C1orf185: variants seen among roughly 807,000 people sequenced by gnomAD.
The protein encoded by C1orf185 is chromosome 1 open reading frame 185.
A neutral mutation model predicts 16.1 loss-of-function variants in C1orf185; 13 were observed. The ratio of observed to expected loss-of-function variants is 0.81; its 90% confidence interval spans 0.53 to 1.28. C1orf185 has a LOEUF of 1.28. Among genes scored for constraint, C1orf185 ranks in the 50% most tolerant of loss-of-function variants. The pLI, the probability that C1orf185 is intolerant of heterozygous loss-of-function variation, is 0.00. For missense variants in C1orf185, 220 were observed against 225.2 expected (o/e 0.98, Z 0.15); for synonymous variants, 80 against 76.9 (o/e 1.04, Z -0.21).
chr1:51,137,463 G>C (rs1300106699), intron 3 of C1orf185, among the ~76,000 whole-genome samples: 1 of 152,162 alleles, frequency 6.6e-6, no homozygotes, highest in East Asian at 1.9e-4. Context: ...GAACCCAAGA[G>C]GCAGTGGTTG....
intron 3 of C1orf185, among the ~76,000 whole-genome samples, chr1:51,141,766 CAT>C (rs1372215958): frequency 6.6e-6 from 1 of 152,144 alleles, no homozygotes; most frequent in African/African-American, 2.4e-5. Flanking sequence ...GATACTCTCT[CAT>C]ATTATTATAG....
At position 51,118,753 on chromosome 1, in the gene C1orf185, G is replaced by A; in HGVS notation, c.210G>A (p.Gln70=). 1 of 1,494,384 alleles carries A rather than the reference G, an allele frequency of 6.7e-7. No homozygotes were observed. The highest frequency in any genetic ancestry group is 9.0e-7 in the Non-Finnish European group (1 of 1,113,160). 92.6% of individuals were successfully genotyped at this position (1,494,384 alleles called of 1,614,324 possible). A position where few individuals can be genotyped will look rare whatever the true frequency, so the allele number is the denominator to read the frequency against. ...TGGCGAAGATTAAATCTCATTCTCA[G>A]TGTGTTTTTATTTCTCGAAATTTTC... is the stretch of plus-strand genomic sequence containing the variant. The part of the protein sequence containing the change: ...PSMAKIKSHS[Q]CVFISRNFHT... The change falls in exon 3 of 5, where the codon CAG becomes CAA. Residue 70 remains glutamine, a synonymous_variant. Transcript: ENST00000371759.
At chr1:51,127,714 G>A (rs866708857) in intron 3 of C1orf185, among the ~76,000 whole-genome samples, 1 of 152,116 alleles carries the variant, frequency 6.6e-6, no homozygotes, top group South Asian at 2.1e-4. Context: ...TATTGTGTGT[G>A]TTAGAACTTT....
chr1:51,115,053 A>G lies in C1orf185; in HGVS notation c.122+2484A>G, dbSNP rs555898855. 2.0e-5 allele frequency among the ~76,000 whole-genome samples: 3 copies of G among 152,102 alleles called. No individual in the cohort carries two copies. In the South Asian group the frequency reaches 6.2e-4, roughly 32 times the overall value. ...ATGTCTGTTTTTTTCACTCAACATA[A>G]TATTTTTGAGGCCGGGCGCAGTGGC... On this transcript the variant is annotated intron_variant, in intron 2 of 4. Coordinates refer to ENST00000371759, the MANE Select transcript of C1orf185 (RefSeq NM_001136508.2).
chr1:51,123,396 T>C (rs1646212213), intron 3 of C1orf185, among the ~76,000 whole-genome samples: 1 of 152,252 alleles, frequency 6.6e-6, no homozygotes, highest in African/African-American at 2.4e-5. Context: ...TATACCATAG[T>C]TTATTTATCC....
At chr1:51,116,813 C>T (rs1456371356) in intron 2 of C1orf185, among the ~76,000 whole-genome samples, 1 of 141,522 alleles carries the variant, frequency 7.1e-6, no homozygotes, top group Admixed American at 6.6e-5. Context: ...ATGATATTCT[C>T]TCTGTCTAGA....
At chr1:51,114,242 T>C (rs1459150550) in intron 2 of C1orf185, among the ~76,000 whole-genome samples, 1 of 152,200 alleles carries the variant, frequency 6.6e-6, no homozygotes, top group African/African-American at 2.4e-5. Flanking sequence ...CACTTAAGAA[T>C]TTGTAGGCTA....
chr1:51,112,127 C>T (rs1646125409), intron 1 of C1orf185, among the ~76,000 whole-genome samples: 1 of 148,354 alleles, frequency 6.7e-6, no homozygotes, highest in Non-Finnish European at 1.5e-5. Context: ...AGGAATGATA[C>T]GGGAGGGGAA....
chr1:51,145,307 AAAT>A lies in C1orf185; in HGVS notation c.259-392_259-390del, dbSNP rs111332471. On this transcript the variant is annotated intron_variant, in intron 3 of 4. Coordinates refer to ENST00000371759, the MANE Select transcript of C1orf185 (RefSeq NM_001136508.2). Reference sequence around the variant, plus strand: ...GTGACAGAGCAAGACCCTGTCTCTAAAATAATAATAATAATAATAATAATAATC... The same window carrying A: ...GTGACAGAGCAAGACCCTGTCTCTAAAATAATAATAATAATAATAATAATC... Among the ~76,000 whole-genome samples the A allele has an allele frequency of 5.8e-3, 878 of 150,596 alleles. 2 individuals are homozygous for A. The highest frequency in any genetic ancestry group is 0.011 in the South Asian group (53 of 4,762).
Position 51,112,575 on chromosome 1 carries a change from G to A in C1orf185, c.122+6G>A. The stretch of plus-strand genomic sequence containing the variant: ...TTCCTGATTTGCAAACGAAGGTAAG[G>A]ATTATTCGAATATTTCTTTAACCTT... On this transcript the variant is annotated splice_donor_region_variant and intron_variant, in intron 2 of 4. Coordinates refer to ENST00000371759, the MANE Select transcript of C1orf185 (RefSeq NM_001136508.2). 6.6e-7 allele frequency: 1 copy of A among 1,524,234 alleles called. No homozygotes were observed. The highest frequency in any genetic ancestry group is 1.4e-5 in the African/African-American group (1 of 71,388). 94.4% of individuals were successfully genotyped at this position (1,524,234 alleles called of 1,614,324 possible).
chr1:51,106,060 A>G (rs1157565732), intron 1 of C1orf185, among the ~76,000 whole-genome samples: 1 of 152,220 alleles, frequency 6.6e-6, no homozygotes, highest in East Asian at 1.9e-4. Flanking sequence ...CTGTCGTAAT[A>G]GAGAATTTTT....
intron 1 of C1orf185, among the ~76,000 whole-genome samples, chr1:51,111,045 T>G (rs1646113349): frequency 6.6e-6 from 1 of 152,162 alleles, no homozygotes; most frequent in Admixed American, 6.5e-5. Flanking sequence ...TTTGAAAGCT[T>G]TCTACGGTTT....
chr1:51,144,825 C>T lies in C1orf185; in HGVS notation c.259-899C>T, dbSNP rs537841755. 1.1e-3 allele frequency among the ~76,000 whole-genome samples: 168 copies of T among 152,284 alleles called. 1 individual carries two copies. Among genetic ancestry groups the T allele is most frequent in the Non-Finnish European group, 1.9e-3 (130 of 68,018 alleles). Reference sequence around the variant, plus strand: ...AGCACTGACACATTTTCTCCCAGAACATAAGACGTGATACTATTATCTCTC... The same window carrying T: ...AGCACTGACACATTTTCTCCCAGAATATAAGACGTGATACTATTATCTCTC... On this transcript the variant is annotated intron_variant, in intron 3 of 4. Transcript: ENST00000371759.
rs1350426853 is a variant in C1orf185, at chr1:51,147,470, T to C, written c.299T>C (p.Ile100Thr). 1 of 1,520,340 alleles carries C rather than the reference T, an allele frequency of 6.6e-7. No homozygotes were observed. Among genetic ancestry groups the C allele is most frequent in the South Asian group, 1.3e-5 (1 of 78,388 alleles). The allele number at this position is 1,520,340 out of a possible 1,614,324, so 94.2% of individuals were successfully genotyped here. A position where few individuals can be genotyped will look rare whatever the true frequency, so the allele number is the denominator to read the frequency against. Reference protein sequence around the residue: ...RKKEAAHIKAIKDHSKDEPQL... With the variant: ...RKKEAAHIKATKDHSKDEPQL... Reference sequence around the variant, plus strand: ...CATAGTAAATCTGTTTTTACAGCAATTAAAGATCATTCTAAAGATGAACCC... The same window carrying C: ...CATAGTAAATCTGTTTTTACAGCAACTAAAGATCATTCTAAAGATGAACCC... The change falls in exon 5 of 5, where the codon ATT (isoleucine) becomes ACT (threonine). Residue 100 changes from isoleucine to threonine, a missense_variant. Ile to Thr is a moderately conservative substitution (Grantham distance 89). Coordinates refer to ENST00000371759, the MANE Select transcript of C1orf185 (RefSeq NM_001136508.2).
At chr1:51,135,553 CAG>C (rs1646317410) in intron 3 of C1orf185, among the ~76,000 whole-genome samples, 1 of 151,978 alleles carries the variant, frequency 6.6e-6, no homozygotes, top group Non-Finnish European at 1.5e-5. Context: ...CAAAACAAAA[CAG>C]AACATGATTA....
intron 3 of C1orf185, among the ~76,000 whole-genome samples, chr1:51,124,446 C>A (rs915060020): frequency 3.3e-5 from 5 of 152,232 alleles, no homozygotes; most frequent in African/African-American, 1.2e-4. Flanking sequence ...GGGGTTTAGC[C>A]TAGGAGAAAG....
chr1:51,110,867 G>A (rs1253825451), intron 1 of C1orf185, among the ~76,000 whole-genome samples: 2 of 152,060 alleles, frequency 1.3e-5, no homozygotes, highest in Non-Finnish European at 2.9e-5. Context: ...TACTTGGGAG[G>A]GTGAGGCAGG....
intron 3 of C1orf185, among the ~76,000 whole-genome samples, chr1:51,124,939 T>A (rs755255007): frequency 2.0e-5 from 3 of 152,190 alleles, no homozygotes; most frequent in Admixed American, 2.0e-4. Context: ...CAGAGATTAC[T>A]CTTCCTTAAT....
intron 3 of C1orf185, among the ~76,000 whole-genome samples, chr1:51,136,883 G>A (rs1170716620): frequency 6.6e-6 from 1 of 152,122 alleles, no homozygotes; most frequent in Non-Finnish European, 1.5e-5. Context: ...AATAGCAATT[G>A]CAACAAAAGC....
Sources: allele counts gnomAD v4.1 joint callset (sites outside exome capture counted in the v4.1 genomes callset), GRCh38; gene constraint gnomAD v4.1.1; transcripts MANE v1.5; gene names NCBI Gene and HGNC (gene_info 2026-07-23, HGNC 2026-07-21).